The following PLA2G2D variants were observed in gnomAD, a reference collection of about 807,000 sequenced individuals.
PLA2G2D encodes the protein group IID secretory phospholipase A2.
In PLA2G2D, 17 loss-of-function variants were observed where a neutral mutation model predicts 13.9. The ratio of observed to expected loss-of-function variants is 1.23; its 90% confidence interval spans 0.84 to 1.84. The LOEUF is 1.84. PLA2G2D is among the 40% of genes most tolerant of loss of function. The pLI is 0.00. For missense variants in PLA2G2D, 194 were observed against 178.7 expected (o/e 1.09, Z -0.49); for synonymous variants, 83 against 69.3 (o/e 1.20, Z -0.98).
chr1:20,113,954 G>T lies in PLA2G2D; in HGVS notation c.*160C>A. The T allele has an allele frequency of 1.7e-6, 1 of 576,298 alleles. No homozygotes were observed. Among genetic ancestry groups the T allele is most frequent in the Non-Finnish European group, 3.1e-6 (1 of 326,130 alleles). The allele number at this position is 576,298 out of a possible 1,614,324, so 35.7% of individuals were successfully genotyped here. On this transcript the variant is annotated 3_prime_UTR_variant, in exon 4 of 4. Coordinates refer to ENST00000375105, the MANE Select transcript of PLA2G2D (RefSeq NM_012400.4). ...GCTACTGCCTCAACTGGGAGGATTC[G>T]GAAAGCTTCAGAAGGTCAGAAGGCA...
In PLA2G2D at chr1:20,119,005, A is replaced by G. The variant is rs539171378; in HGVS notation, c.40+454T>C. On this transcript the variant is annotated intron_variant, in intron 1 of 3. Coordinates refer to ENST00000375105, the MANE Select transcript of PLA2G2D (RefSeq NM_012400.4). ...TTTATATTTGGTCTGCTTAAGATCA[A>G]ATGGAAATTGCCCCCTCTTCACCGA... is the stretch of plus-strand genomic sequence containing the variant. Among the ~76,000 whole-genome samples the G allele has an allele frequency of 2.0e-5, 3 of 152,336 alleles. No individual in the cohort carries two copies. The South Asian group carries it at 6.2e-4, about 32-fold the overall frequency.
chr1:20,119,030 A>T (rs1171524460), intron 1 of PLA2G2D, among the ~76,000 whole-genome samples: 3 of 152,196 alleles, frequency 2.0e-5, no homozygotes, highest in Non-Finnish European at 2.9e-5. Flanking sequence ...CTCTTCACCG[A>T]AAGTCAAGGG....
intron 2 of PLA2G2D, 96 bp downstream of exon 2, chr1:20,116,237 G>T: frequency 1.6e-6 from 2 of 1,253,078 alleles, no homozygotes; most frequent in Non-Finnish European, 2.3e-6. Flanking sequence ...CAACAAAATG[G>T]ATTCAACTCA....
intron 1 of PLA2G2D, among the ~76,000 whole-genome samples, chr1:20,119,213 T>C (rs531519246): frequency 1.4e-4 from 22 of 152,282 alleles, no homozygotes; most frequent in Non-Finnish European, 3.1e-4. Flanking sequence ...GGACTTCTAG[T>C]TTGAACTTTC....
rs1435899988 is a variant in PLA2G2D, at chr1:20,112,359, TG to T, written c.*1754del. ...CCCTGTTCCCCCACACAGGCACAGC[TG>T]CCCCCATGGGTATCCCTACCTGGAG... is the stretch of plus-strand genomic sequence containing the variant. On this transcript the variant is annotated 3_prime_UTR_variant, in exon 4 of 4. Transcript: ENST00000375105. 6.6e-6 allele frequency: 1 copy of T among 152,274 alleles called. No individual in the cohort carries two copies. 9.4% of individuals were successfully genotyped at this position (152,274 alleles called of 1,614,324 possible). A position where few individuals can be genotyped will look rare whatever the true frequency, so the allele number is the denominator to read the frequency against.
chr1:20,115,625 AG>A lies in PLA2G2D; in HGVS notation c.186-13del. On this transcript the variant is annotated splice_polypyrimidine_tract_variant and intron_variant, in intron 2 of 3. Coordinates refer to ENST00000375105, the MANE Select transcript of PLA2G2D (RefSeq NM_012400.4). Reference sequence around the variant, plus strand: ...GGGTCTGGCAGCACCTGGAGCAGACAGGGTGCACAGCTGCATGGGTCCCCAG... The same window carrying A: ...GGGTCTGGCAGCACCTGGAGCAGACAGGTGCACAGCTGCATGGGTCCCCAG... The A allele has an allele frequency of 6.5e-7, 1 of 1,548,760 alleles. No homozygotes were observed. The highest frequency in any genetic ancestry group is 8.9e-7 in the Non-Finnish European group (1 of 1,120,860).
rs2016972791 is a variant in PLA2G2D at position 20,115,687 on chromosome 1, A to G, written c.186-74T>C. 7 of 924,330 alleles carry G rather than the reference A, an allele frequency of 7.6e-6. No homozygotes were observed. In the Admixed American group the frequency reaches 1.2e-4, roughly 16 times the overall value. 57.3% of individuals were successfully genotyped at this position (924,330 alleles called of 1,614,324 possible). ...TCTCTGGCTGCTCCCCCTACTGGAG[A>G]AGAACCCGTGTCCCCACCTGGGAAG... On this transcript the variant is annotated intron_variant, in intron 2 of 3. Coordinates refer to ENST00000375105, the MANE Select transcript of PLA2G2D (RefSeq NM_012400.4).
rs1212024963 is a variant in PLA2G2D, at chr1:20,114,207, C to T, written c.345G>A (p.Val115=). Residue 115 remains valine, a synonymous_variant, in exon 4 of 4, where the codon GTG becomes GTA. Coordinates refer to ENST00000375105, the MANE Select transcript of PLA2G2D (RefSeq NM_012400.4). ...EQQLCACDKE[V]AFCLKRNLDT... The stretch of plus-strand genomic sequence containing the variant: ...CCAGGTTGCGCTTCAGGCAGAAGGC[C>T]ACCTCCTTGTCACAGGCACACAGCT... 1 of 1,614,108 alleles carries T rather than the reference C, an allele frequency of 6.2e-7. No homozygotes were observed. Among genetic ancestry groups the T allele is most frequent in the South Asian group, 1.1e-5 (1 of 91,084 alleles).
At chr1:20,118,915 CT>C (rs1379771649) in intron 1 of PLA2G2D, among the ~76,000 whole-genome samples, 1 of 152,128 alleles carries the variant, frequency 6.6e-6, no homozygotes, top group Non-Finnish European at 1.5e-5. Context: ...AAATGCAAGT[CT>C]TTTCCAAAAT....
At chr1:20,115,404 A>C (rs2016963519) in intron 3 of PLA2G2D, 103 bp downstream of exon 3, 3 of 597,088 alleles carry the variant, frequency 5.0e-6, no homozygotes, top group South Asian at 2.0e-5. Context: ...GGACCCATGC[A>C]AAAAAAAAAC....
At chr1:20,116,499 AG>A in intron 1 of PLA2G2D, 22 bp from the exon 2 acceptor site, 1 of 1,613,940 alleles carries the variant, frequency 6.2e-7, no homozygotes. Flanking sequence ...CCCAGCAACC[AG>A]GAGAGAAGAG....
intron 1 of PLA2G2D, among the ~76,000 whole-genome samples, chr1:20,117,627 A>T (rs2017015517): frequency 6.6e-6 from 1 of 152,176 alleles, no homozygotes; most frequent in Non-Finnish European, 1.5e-5. Flanking sequence ...GGAGAAACAG[A>T]TGGCAGAAGG....
chr1:20,117,414 G>A (rs2017010451), intron 1 of PLA2G2D, among the ~76,000 whole-genome samples: 2 of 152,134 alleles, frequency 1.3e-5, no homozygotes, highest in South Asian at 2.1e-4. Flanking sequence ...ATCTGAGTCT[G>A]TAATAAAGAG....
In PLA2G2D at chr1:20,113,279, G is replaced by A. The variant is rs2100672346; in HGVS notation, c.*835C>T. 6.6e-6 allele frequency: 1 copy of A among 152,628 alleles called. No homozygotes were observed. Among genetic ancestry groups the A allele is most frequent in the Middle Eastern group, 3.4e-3 (1 of 294 alleles). 9.5% of individuals were successfully genotyped at this position (152,628 alleles called of 1,614,324 possible). The stretch of plus-strand genomic sequence containing the variant: ...TGAAGCATTGTGGGAGCTTGGAGGA[G>A]GGAGTGAGCCCTTGCAGTCAGGGAG... On this transcript the variant is annotated 3_prime_UTR_variant, in exon 4 of 4. Coordinates refer to ENST00000375105, the MANE Select transcript of PLA2G2D (RefSeq NM_012400.4).
intron 3 of PLA2G2D, among the ~76,000 whole-genome samples, chr1:20,114,828 C>T (rs962678925): frequency 6.6e-6 from 1 of 152,146 alleles, no homozygotes; most frequent in African/African-American, 2.4e-5. Flanking sequence ...GGCACTTAGC[C>T]TATAGTAAGT....
rs1420975096 is a variant in PLA2G2D at position 20,114,173 on chromosome 1, G to T, written c.379C>A (p.Gln127Lys). Residue 127 changes from glutamine to lysine, a missense_variant, in exon 4 of 4, where the codon CAG (glutamine) becomes AAG (lysine). By Grantham distance (53) the Gln-to-Lys change is moderately conservative. Coordinates refer to ENST00000375105, the MANE Select transcript of PLA2G2D (RefSeq NM_012400.4). ...CGCCAGTAGAAACGCAGTCGCTTCT[G>T]GTAGGTGTCCAGGTTGCGCTTCAGG... Reference protein sequence around the residue: ...FCLKRNLDTYQKRLRFYWRPH... With the variant: ...FCLKRNLDTYKKRLRFYWRPH... The T allele has an allele frequency of 1.9e-6, 3 of 1,613,940 alleles. No homozygotes were observed. The highest frequency in any genetic ancestry group is 1.1e-5 in the South Asian group (1 of 91,082).
At chr1:20,116,246 C>T in intron 2 of PLA2G2D, 87 bp downstream of exon 2, 3 of 1,340,316 alleles carry the variant, frequency 2.2e-6, no homozygotes, top group South Asian at 1.2e-5. Context: ...GGATTCAACT[C>T]AACTAAATGA....
At chr1:20,115,920 CA>C (rs1366640429) in intron 2 of PLA2G2D, among the ~76,000 whole-genome samples, 1 of 152,216 alleles carries the variant, frequency 6.6e-6, no homozygotes, top group Non-Finnish European at 1.5e-5. Flanking sequence ...CAAGGTCACA[CA>C]GCCTGTAAGT....
chr1:20,115,412 A>C (rs1343505532), intron 3 of PLA2G2D, 95 bp downstream of exon 3: 3 of 781,010 alleles, frequency 3.8e-6, no homozygotes, highest in Non-Finnish European at 6.8e-6. Flanking sequence ...GCAAAAAAAA[A>C]ACAGAGAGGT....
Sources: gnomAD v4.1 joint callset for allele counts (sites outside exome capture counted in the v4.1 genomes callset) on GRCh38, gnomAD v4.1.1 for gene constraint, MANE v1.5 for transcripts, NCBI Gene and HGNC (gene_info 2026-07-23, HGNC 2026-07-21) for gene names.